RBFOX1: variants seen among roughly 807,000 people sequenced by gnomAD.
The protein encoded by RBFOX1 is RNA binding protein fox-1 homolog 1.
In RBFOX1, 8 loss-of-function variants were observed where a neutral mutation model predicts 57.7. The observed-to-expected ratio is 0.14, with a 90% confidence interval of 0.08 to 0.25. RBFOX1 has a LOEUF of 0.25. Among genes scored for constraint, RBFOX1 ranks in the 10% least tolerant of loss-of-function variants. The pLI is 1.00. For missense variants in RBFOX1, 611 were observed against 548.5 expected, an observed-to-expected ratio of 1.11 and a Z score of -1.14; for synonymous variants, 326 against 222.4, an observed-to-expected ratio of 1.47 and a Z score of -4.15.
intron 3 of RBFOX1, among the ~76,000 whole-genome samples, chr16:6,989,909 G>C (rs1043642722): frequency 6.6e-6 from 1 of 152,096 alleles, no homozygotes; most frequent in Admixed American, 6.5e-5. Flanking sequence ...TCTGAGACGG[G>C]AGAATTGCTT....
At chr16:6,877,062 G>A (rs942165994) in intron 3 of RBFOX1, among the ~76,000 whole-genome samples, 4 of 152,070 alleles carry the variant, frequency 2.6e-5, no homozygotes, top group African/African-American at 9.7e-5. Context: ...TTTTGTGTTT[G>A]CTTCATAACT....
intron 2 of RBFOX1, among the ~76,000 whole-genome samples, chr16:5,507,124 A>T (rs546115344): frequency 1.7e-4 from 26 of 152,182 alleles, no homozygotes; most frequent in African/African-American, 6.3e-4. Context: ...AGTGAGGTTG[A>T]TAAGTAGCTA....
chr16:5,974,644 C>T (rs1474637725), intron 4 of RBFOX1, among the ~76,000 whole-genome samples: 1 of 151,754 alleles, frequency 6.6e-6, no homozygotes, highest in African/African-American at 2.4e-5. Flanking sequence ...CTGTCCCCAA[C>T]CCAGGTTTTA....
chr16:5,376,181 A>T (rs529497610), intron 1 of RBFOX1, among the ~76,000 whole-genome samples: 1 of 152,118 alleles, frequency 6.6e-6, no homozygotes, highest in African/African-American at 2.4e-5. Flanking sequence ...AGAAAAAAAA[A>T]AAAAAAGGTT....
intron 1 of RBFOX1, among the ~76,000 whole-genome samples, chr16:6,204,990 G>T (rs1474617805): frequency 2.0e-5 from 3 of 152,156 alleles, no homozygotes; most frequent in African/African-American, 4.8e-5. Context: ...AAAGGAATTT[G>T]CTTTGCCCTT....
chr16:5,706,174 G>C (rs1235530302), intron 3 of RBFOX1, among the ~76,000 whole-genome samples: 1 of 152,238 alleles, frequency 6.6e-6, no homozygotes, highest in African/African-American at 2.4e-5. Context: ...GCCTCCCAAA[G>C]TGCTGGGATT....
chr16:6,875,515 G>A (rs1265913190), intron 3 of RBFOX1, among the ~76,000 whole-genome samples: 1 of 152,134 alleles, frequency 6.6e-6, no homozygotes, highest in South Asian at 2.1e-4. Context: ...TCAATTCAGT[G>A]CTCTGGCAAA....
At chr16:7,137,290 G>C (rs1247108146) in intron 4 of RBFOX1, among the ~76,000 whole-genome samples, 3 of 152,128 alleles carry the variant, frequency 2.0e-5, no homozygotes, top group African/African-American at 7.2e-5. Context: ...GTTTGGCTGT[G>C]TCCCCAGCCA....
At chr16:5,610,298 T>G (rs1199309757) in intron 3 of RBFOX1, 1 of 152,278 alleles carries the variant, frequency 6.6e-6, no homozygotes. Flanking sequence ...ACACTCGCTA[T>G]GTACTAGGCC....
At chr16:6,403,381 A>T (rs2093153941) in intron 2 of RBFOX1, among the ~76,000 whole-genome samples, 1 of 151,856 alleles carries the variant, frequency 6.6e-6, no homozygotes, top group Admixed American at 6.6e-5. Context: ...TTTTTTTTTA[A>T]ATAGAGGATT....
chr16:5,460,382 A>G (rs1350230391), intron 1 of RBFOX1, among the ~76,000 whole-genome samples: 1 of 152,134 alleles, frequency 6.6e-6, no homozygotes, highest in Non-Finnish European at 1.5e-5. Context: ...CCATTATCCC[A>G]TCTACACCAC....
intron 1 of RBFOX1, among the ~76,000 whole-genome samples, chr16:5,257,619 C>G (rs558981220): frequency 1.5e-4 from 23 of 152,288 alleles, no homozygotes; most frequent in African/African-American, 5.5e-4. Context: ...CTTCTGGAGG[C>G]GCATTTACTA....
intron 2 of RBFOX1, among the ~76,000 whole-genome samples, chr16:6,495,084 C>G (rs2095731391): frequency 6.6e-6 from 1 of 152,168 alleles, no homozygotes; most frequent in South Asian, 2.1e-4. Context: ...CGCATTTTAA[C>G]CACTAATCAA....
intron 4 of RBFOX1, among the ~76,000 whole-genome samples, chr16:5,925,333 A>G (rs1254645983): frequency 6.6e-6 from 1 of 152,220 alleles, no homozygotes; most frequent in Admixed American, 6.5e-5. Flanking sequence ...TTGAAAAGGA[A>G]TGAAGTTCTC....
At chr16:5,708,905 A>T (rs1220960470) in intron 3 of RBFOX1, among the ~76,000 whole-genome samples, 1 of 152,166 alleles carries the variant, frequency 6.6e-6, no homozygotes, top group East Asian at 1.9e-4. Context: ...AAGAGGAAAG[A>T]CGAGAGTGAG....
At chr16:7,249,142 A>G (rs2094420459) in intron 4 of RBFOX1, among the ~76,000 whole-genome samples, 1 of 152,214 alleles carries the variant, frequency 6.6e-6, no homozygotes, top group Non-Finnish European at 1.5e-5. Context: ...TGCTGAAAGG[A>G]ACAGAAAGCT....
At chr16:7,036,449 G>A (rs1004184923) in intron 3 of RBFOX1, among the ~76,000 whole-genome samples, 2 of 151,990 alleles carry the variant, frequency 1.3e-5, no homozygotes, top group Admixed American at 6.6e-5. Context: ...GGTGGCTCAC[G>A]CTTGTAATCT....
chr16:7,327,790 A>G (rs1204115699), intron 4 of RBFOX1, among the ~76,000 whole-genome samples: 1 of 147,536 alleles, frequency 6.8e-6, no homozygotes, highest in Non-Finnish European at 1.5e-5. Flanking sequence ...TTTATATGAG[A>G]TGCCCCCATT....
intron 4 of RBFOX1, among the ~76,000 whole-genome samples, chr16:7,225,005 G>C (rs953639499): frequency 8.5e-5 from 13 of 152,168 alleles, no homozygotes; most frequent in Non-Finnish European, 1.8e-4. Flanking sequence ...ACTATGCTAA[G>C]ACATTTTTGT....
Sources: gnomAD v4.1 joint callset for allele counts (sites outside exome capture counted in the v4.1 genomes callset) on GRCh38, gnomAD v4.1.1 for gene constraint, MANE v1.5 for transcripts, NCBI Gene and HGNC (gene_info 2026-07-23, HGNC 2026-07-21) for gene names.